PLEKHA1: variants seen among roughly 807,000 people sequenced by gnomAD.
PLEKHA1 encodes pleckstrin homology domain-containing family A member 1.
In PLEKHA1, 34 loss-of-function variants were observed where a neutral mutation model predicts 52.0. That is an observed-to-expected ratio of 0.65 (90% CI 0.50 to 0.87). The LOEUF (loss-of-function observed/expected upper bound fraction) is 0.87. Ranked by LOEUF, PLEKHA1 falls within the 40% of genes least tolerant of loss-of-function variation. The probability of loss-of-function intolerance (pLI) is 0.00; values close to 1 mark genes in which losing one functional copy is unlikely to be tolerated. For missense variants in PLEKHA1, 497 were observed against 504.2 expected (o/e 0.99, Z 0.14); for synonymous variants, 163 against 170.7 (o/e 0.95, Z 0.35).
At chr10:122,413,475 A>G (rs7084593) in intron 6 of PLEKHA1, among the ~76,000 whole-genome samples, 2,857 of 152,244 alleles carry the variant, frequency 0.019, 37 homozygotes, top group Middle Eastern at 0.061. Flanking sequence ...CTTTATAAAC[A>G]ATGCTATGAT....
chr10:122,387,699 A>T (rs960075325), intron 1 of PLEKHA1: 2 of 152,154 alleles, frequency 1.3e-5, no homozygotes, highest in African/African-American at 2.4e-5. Flanking sequence ...TGAAGGCTTG[A>T]CTGGGCTGGA....
chr10:122,375,946 T>C (rs1433966570), intron 1 of PLEKHA1, among the ~76,000 whole-genome samples: 2 of 152,210 alleles, frequency 1.3e-5, no homozygotes, highest in South Asian at 2.1e-4. Context: ...ATTTCCTGTG[T>C]GTTTAATGAC....
intron 11 of PLEKHA1, among the ~76,000 whole-genome samples, chr10:122,427,283 T>G (rs2097353113): frequency 6.6e-6 from 1 of 152,232 alleles, no homozygotes; most frequent in Non-Finnish European, 1.5e-5. Flanking sequence ...AAACATTTCC[T>G]TGCTTTGTTT....
intron 4 of PLEKHA1, among the ~76,000 whole-genome samples, chr10:122,403,024 C>G (rs1422072524): frequency 6.6e-6 from 1 of 152,096 alleles, no homozygotes; most frequent in Non-Finnish European, 1.5e-5. Flanking sequence ...AATCAACAGC[C>G]CTACGACAAT....
chr10:122,389,724 T>TC (rs2096750341), intron 1 of PLEKHA1, among the ~76,000 whole-genome samples: 1 of 152,174 alleles, frequency 6.6e-6, no homozygotes, highest in African/African-American at 2.4e-5. Context: ...AATTTTTTTT[T>TC]CAGTAAAACA....
In PLEKHA1 at chr10:122,415,962, C is replaced by G. The variant is rs376958947; in HGVS notation, c.572C>G (p.Ala191Gly). 2 of 1,613,104 alleles carry G rather than the reference C, an allele frequency of 1.2e-6. No homozygotes were observed. Among genetic ancestry groups the G allele is most frequent in the Non-Finnish European group, 1.7e-6 (2 of 1,179,436 alleles). Reference protein sequence around the residue: ...YFTPKPPQDSAVIKAGYCVKQ... With the variant: ...YFTPKPPQDSGVIKAGYCVKQ... ...ACTCCTAAACCACCTCAAGATAGTG[C>G]GGTTATCAAAGCTGGATATTGTGTA... Residue 191 changes from alanine (A) to glycine (G), a missense_variant, in exon 7 of 12, where the codon GCG becomes GGG. Coordinates refer to ENST00000368990, the MANE Select transcript of PLEKHA1 (RefSeq NM_001001974.4).
chr10:122,424,580 T>A (rs1042994610), intron 9 of PLEKHA1, among the ~76,000 whole-genome samples: 3 of 152,170 alleles, frequency 2.0e-5, no homozygotes, highest in African/African-American at 7.2e-5. Flanking sequence ...ATTTGACAAA[T>A]TGATGTATTA....
chr10:122,399,605 G>A (rs2096898882), intron 3 of PLEKHA1, among the ~76,000 whole-genome samples: 1 of 151,844 alleles, frequency 6.6e-6, no homozygotes, highest in Non-Finnish European at 1.5e-5. Context: ...TATTTTTTGA[G>A]ATGAAGTCTC....
the PLEKHA1 span, chr10:122,439,928 A>T: frequency 6.6e-6 from 1 of 152,222 alleles, no homozygotes; most frequent in Non-Finnish European, 1.5e-5. Flanking sequence ...TCCATAGAAA[A>T]TTATACATTT....
At chr10:122,433,461 T>C (rs1428722110), downstream of PLEKHA1, 2 of 152,236 alleles carry the variant, frequency 1.3e-5, no homozygotes, top group East Asian at 1.9e-4. Context: ...CAGCCAAATA[T>C]ACCAGGTTGC....
rs1184270065 is a variant in PLEKHA1, at chr10:122,424,992, C to T, written c.810+33C>T. 4 of 1,533,398 alleles carry T rather than the reference C, an allele frequency of 2.6e-6. No individual in the cohort carries two copies. The East Asian group carries it at 9.2e-5, about 35-fold the overall frequency. 95.0% of individuals were successfully genotyped at this position (1,533,398 alleles called of 1,614,324 possible). A position where few individuals can be genotyped will look rare whatever the true frequency, so the allele number is the denominator to read the frequency against. ...GCTTATTTGGCAATTAATAGATCCT[C>T]CTAAAAAGAAATTAATAATATTAGA... On this transcript the variant is annotated intron_variant, in intron 10 of 11. Transcript: ENST00000368990.
intron 11 of PLEKHA1, among the ~76,000 whole-genome samples, chr10:122,427,837 T>C (rs1011912870): frequency 1.3e-5 from 2 of 152,246 alleles, no homozygotes; most frequent in African/African-American, 4.8e-5. Context: ...GCCTTTATTA[T>C]CTAGATTTAC....
rs866849516 is a variant in PLEKHA1 at position 122,403,812 on chromosome 10, C to T, written c.245-2764C>T. 8.5e-5 allele frequency among the ~76,000 whole-genome samples: 13 copies of T among 152,236 alleles called. No homozygotes were observed. In the East Asian group the frequency reaches 1.7e-3, roughly 20 times the overall value. On this transcript the variant is annotated intron_variant, in intron 4 of 11. Transcript: ENST00000368990. The stretch of plus-strand genomic sequence containing the variant: ...GTTCAAGCGATTCTCCTGCCTTAGC[C>T]GCCCAAGTAGCTGGGATTACAGGTG...
intron 5 of PLEKHA1, 156 bp from the exon 6 acceptor site, chr10:122,412,758 AAAAATT>A: frequency 1.5e-6 from 1 of 672,350 alleles, no homozygotes; most frequent in East Asian, 2.8e-5. Context: ...ATTCTAACAG[AAAAATT>A]AGTGTGATAA....
intron 5 of PLEKHA1, chr10:122,412,033 A>C (rs1322666128): frequency 6.6e-6 from 1 of 152,192 alleles, no homozygotes; most frequent in East Asian, 1.9e-4. Flanking sequence ...AATACAGACT[A>C]TGTGCTAAAC....
At chr10:122,380,703 A>G (rs527593620) in intron 1 of PLEKHA1, among the ~76,000 whole-genome samples, 2 of 152,176 alleles carry the variant, frequency 1.3e-5, no homozygotes, top group African/African-American at 4.8e-5. Flanking sequence ...TTGGCCGAAC[A>G]TTAGAATGAT....
At position 122,417,910 on chromosome 10, in the gene PLEKHA1, G is replaced by A. The variant is rs1273800006; in HGVS notation, c.623G>A (p.Trp208Ter). Residue 208 changes from tryptophan (W) to a stop codon, truncating the protein, a stop_gained, in exon 8 of 12, where the codon TGG becomes TAG. Coordinates refer to ENST00000368990, the MANE Select transcript of PLEKHA1 (RefSeq NM_001001974.4). LOFTEE classifies it high-confidence loss of function. ...GTTCATCTCTGGTAGATGAAAAACT[G>A]GAAGAGAAGATATTTTCAATTGGAT... ...CVKQGAVMKN[W>*]KRRYFQLDEN... 1.2e-6 allele frequency: 2 copies of A among 1,610,776 alleles called. No individual in the cohort carries two copies.
chr10:122,424,861 CT>C (rs1408970433), intron 9 of PLEKHA1, 34 bp from the exon 10 acceptor site: 3 of 1,544,020 alleles, frequency 1.9e-6, no homozygotes, highest in South Asian at 2.3e-5. Context: ...CAAACAACTG[CT>C]ATTTAAGTAT....
rs1227718807 is a variant in PLEKHA1, at chr10:122,417,971, ATGT to A, written c.681+8_681+10del. 9.4e-6 allele frequency: 15 copies of A among 1,600,996 alleles called. No individual in the cohort carries two copies. The highest frequency in any genetic ancestry group is 1.7e-4 in the Middle Eastern group (1 of 6,048). ...TAGGCTACTTCAAATCTGAACTGGT[ATGT>A]TGTTACGTCATAAATGTTGCTATAA... On this transcript the variant is annotated splice_donor_5th_base_variant and intron_variant, in intron 8 of 11. Transcript: ENST00000368990.
Sources: gnomAD v4.1 joint callset for allele counts (sites outside exome capture counted in the v4.1 genomes callset) on GRCh38, gnomAD v4.1.1 for gene constraint, MANE v1.5 for transcripts, NCBI Gene and HGNC (gene_info 2026-07-23, HGNC 2026-07-21) for gene names.